NALCN: variants seen among roughly 807,000 people sequenced by gnomAD.
NALCN encodes sodium leak channel, non-selective, also known as sodium leak channel NALCN.
Under a neutral mutation model 225.3 loss-of-function variants are expected in NALCN, and 111 were observed. The observed-to-expected ratio is 0.49, with a 90% CI of 0.42 to 0.58. The LOEUF (loss-of-function observed/expected upper bound fraction) is 0.58. Ranked by LOEUF, NALCN falls within the 20% of genes least tolerant of loss-of-function variation. The pLI is 0.00. For missense variants in NALCN, 1,378 were observed against 2,202.4 expected (o/e 0.63, Z 7.49); for synonymous variants, 764 against 769.0 (o/e 0.99, Z 0.11).
chr13:101,318,785 C>T (rs1382221994), intron 7 of NALCN, among the ~76,000 whole-genome samples: 1 of 152,084 alleles, frequency 6.6e-6, no homozygotes, highest in East Asian at 1.9e-4. Flanking sequence ...TTTTTAAAAC[C>T]TTTGTGGATA....
chr13:101,259,555 C>T (rs1200723117), intron 10 of NALCN, among the ~76,000 whole-genome samples: 2 of 151,218 alleles, frequency 1.3e-5, no homozygotes, highest in African/African-American at 2.4e-5. Context: ...AGGATGGTCT[C>T]GATCTTCTGA....
intron 10 of NALCN, among the ~76,000 whole-genome samples, chr13:101,280,974 G>A (rs1204250849): frequency 6.7e-6 from 1 of 149,434 alleles, no homozygotes; most frequent in Non-Finnish European, 1.5e-5. Flanking sequence ...TCCACCTCCC[G>A]GGTTCAAGTG....
At chr13:101,072,850 A>G (rs1013597717) in intron 37 of NALCN, among the ~76,000 whole-genome samples, 18 of 152,244 alleles carry the variant, frequency 1.2e-4, no homozygotes, top group Admixed American at 8.5e-4. Context: ...TGTTAGCCAC[A>G]TTTTAAATGC....
chr13:101,375,496 A>G (rs1034952543), intron 6 of NALCN, among the ~76,000 whole-genome samples: 1 of 152,196 alleles, frequency 6.6e-6, no homozygotes, highest in African/African-American at 2.4e-5. Context: ...AAATCCTCCA[A>G]CTGCAGAAAA....
chr13:101,279,525 A>T (rs934012910), intron 10 of NALCN, among the ~76,000 whole-genome samples: 1 of 152,178 alleles, frequency 6.6e-6, no homozygotes, highest in African/African-American at 2.4e-5. Flanking sequence ...CTTGTTTTAA[A>T]AATAAAAAGG....
intron 14 of NALCN, among the ~76,000 whole-genome samples, chr13:101,178,734 A>C (rs1483722343): frequency 6.6e-6 from 1 of 152,184 alleles, no homozygotes; most frequent in Non-Finnish European, 1.5e-5. Context: ...ATTTAGGATA[A>C]ACTATATTTA....
In NALCN at chr13:101,245,849, C is replaced by A. The variant is rs139332169; in HGVS notation, c.1267-7927G>T. 1.8e-4 allele frequency among the ~76,000 whole-genome samples: 27 copies of A among 152,310 alleles called. 2 individuals are homozygous for A. The East Asian group carries it at 4.6e-3, about 26-fold the overall frequency. ...ATGGATAATTGAAAGTACCTCTGATCGGTTGCTTTTCCCAACCAGACACTT... is the reference window on the plus strand; with the variant it reads ...ATGGATAATTGAAAGTACCTCTGATAGGTTGCTTTTCCCAACCAGACACTT... On this transcript the variant is annotated intron_variant, in intron 11 of 43. Coordinates refer to ENST00000251127, the MANE Select transcript of NALCN (RefSeq NM_052867.4).
In NALCN at chr13:101,352,660, C is replaced by T. The variant is rs960012110; in HGVS notation, c.645-7240G>A. On this transcript the variant is annotated intron_variant, in intron 6 of 43. Transcript: ENST00000251127. The stretch of plus-strand genomic sequence containing the variant: ...CCCTAAATGGATACTGTGACTGATG[C>T]AGCATGAGCTGATTATAAACTGTTC... Among the ~76,000 whole-genome samples the T allele has an allele frequency of 4.6e-5, 7 of 152,088 alleles. No individual in the cohort carries two copies. The East Asian group carries it at 9.6e-4, about 21-fold the overall frequency.
At chr13:101,270,202 T>C (rs1028034523) in intron 10 of NALCN, among the ~76,000 whole-genome samples, 3 of 152,332 alleles carry the variant, frequency 2.0e-5, no homozygotes, top group Non-Finnish European at 4.4e-5. Flanking sequence ...CTTAGTTACC[T>C]GTATTGTTGT....
intron 16 of NALCN, among the ~76,000 whole-genome samples, chr13:101,144,070 C>G (rs1174032061): frequency 2.0e-5 from 3 of 152,158 alleles, no homozygotes; most frequent in Admixed American, 6.5e-5. Context: ...TAACCCCCCA[C>G]AGAATTATTT....
At chr13:101,217,899 C>A (rs1022784976) in intron 13 of NALCN, among the ~76,000 whole-genome samples, 33 of 152,116 alleles carry the variant, frequency 2.2e-4, no homozygotes, top group Non-Finnish European at 4.4e-4. Context: ...TTTCTTTCTA[C>A]CACGTCTATT....
intron 15 of NALCN, among the ~76,000 whole-genome samples, chr13:101,175,864 T>C (rs2038938119): frequency 6.6e-6 from 1 of 152,238 alleles, no homozygotes; most frequent in African/African-American, 2.4e-5. Context: ...CTGTTTCTTA[T>C]ACTCACTATG....
chr13:101,202,957 C>T (rs751720262), intron 13 of NALCN, among the ~76,000 whole-genome samples: 1 of 152,168 alleles, frequency 6.6e-6, no homozygotes, highest in Admixed American at 6.5e-5. Context: ...GCTTTCACAG[C>T]GTCTGAGTCT....
At chr13:101,338,481 A>T (rs1357783038) in intron 7 of NALCN, among the ~76,000 whole-genome samples, 1 of 152,186 alleles carries the variant, frequency 6.6e-6, no homozygotes, top group Non-Finnish European at 1.5e-5. Flanking sequence ...TCCAAACTGA[A>T]CATTTTTTAT....
At chr13:101,338,511 T>C (rs184783452) in intron 7 of NALCN, among the ~76,000 whole-genome samples, 4 of 152,350 alleles carry the variant, frequency 2.6e-5, no homozygotes, top group African/African-American at 9.6e-5. Context: ...GACTGTACAA[T>C]GAATGAAGGG....
At chr13:101,056,276 T>C (rs1378599122) in intron 43 of NALCN, among the ~76,000 whole-genome samples, 1 of 102,816 alleles carries the variant, frequency 9.7e-6, no homozygotes, top group Non-Finnish European at 2.0e-5. Flanking sequence ...TTTTTTTTTT[T>C]GGGAGACAGG....
chr13:101,128,946 A>C (rs1052133853), intron 17 of NALCN, among the ~76,000 whole-genome samples: 7 of 152,176 alleles, frequency 4.6e-5, no homozygotes, highest in Non-Finnish European at 7.3e-5. Context: ...GAAAATCGGC[A>C]GCTGGATCCA....
chr13:101,247,767 C>A (rs1451394904), intron 11 of NALCN, among the ~76,000 whole-genome samples: 2 of 152,076 alleles, frequency 1.3e-5, no homozygotes, highest in African/African-American at 4.8e-5. Context: ...AGGTATTAAG[C>A]CCCACATGCA....
intron 3 of NALCN, 116 bp downstream of exon 3, chr13:101,395,067 A>G (rs944823081): frequency 5.2e-6 from 5 of 965,624 alleles, no homozygotes; most frequent in Non-Finnish European, 7.3e-6. Context: ...GGACTTCCAT[A>G]TGTATAAGAT....
Sources: gnomAD v4.1 joint callset for allele counts (sites outside exome capture counted in the v4.1 genomes callset) on GRCh38, gnomAD v4.1.1 for gene constraint, MANE v1.5 for transcripts, NCBI Gene and HGNC (gene_info 2026-07-23, HGNC 2026-07-21) for gene names.